The following PLB1 variants were observed in gnomAD, a reference collection of about 807,000 sequenced individuals.
The protein encoded by PLB1 is phospholipase B1, membrane-associated.
In PLB1, 242 loss-of-function variants were observed where a neutral mutation model predicts 227.4. The observed-to-expected ratio is 1.06, with a 90% CI of 0.96 to 1.18. PLB1 has a LOEUF of 1.18. Ranked by LOEUF, PLB1 falls within the 50% of genes most tolerant of loss-of-function variation. PLB1 has a pLI of 0.00. For missense variants in PLB1, 1,858 were observed against 1,816.3 expected (o/e 1.02, Z -0.42); for synonymous variants, 757 against 682.2 (o/e 1.11, Z -1.71).
intron 44 of PLB1, among the ~76,000 whole-genome samples, chr2:28,617,086 T>TCCCATCCCACTCCTTTCCCCAGCAC (rs1686299418): frequency 6.6e-6 from 1 of 152,194 alleles, no homozygotes; most frequent in Non-Finnish European, 1.5e-5. Flanking sequence ...GAAAATATGT[T>TCCCATCCCACTCCTTTCCCCAGCAC]CTGTATTAGA....
At chr2:28,519,571 C>T in intron 3 of PLB1, 134 bp from the exon 4 acceptor site, 1 of 656,484 alleles carries the variant, frequency 1.5e-6, no homozygotes, top group Non-Finnish European at 2.7e-6. Context: ...ATTCCACTTC[C>T]ATGGCCAACA....
chr2:28,613,781 A>T (rs1395906275), intron 43 of PLB1, among the ~76,000 whole-genome samples: 1 of 152,230 alleles, frequency 6.6e-6, no homozygotes, highest in Non-Finnish European at 1.5e-5. Context: ...GGAGGAACAC[A>T]AAAGCACAGA....
At chr2:28,567,566 C>T (rs1310812001) in intron 20 of PLB1, among the ~76,000 whole-genome samples, 1 of 150,672 alleles carries the variant, frequency 6.6e-6, no homozygotes, top group Non-Finnish European at 1.5e-5. Context: ...CTCCGCCTCC[C>T]TGGTTCAAGC....
At chr2:28,506,939 C>T (rs369314684) in intron 1 of PLB1, among the ~76,000 whole-genome samples, 15 of 152,224 alleles carry the variant, frequency 9.9e-5, no homozygotes, top group African/African-American at 3.6e-4. Context: ...TCCTTCACAC[C>T]ACAACTTCCC....
intron 1 of PLB1, among the ~76,000 whole-genome samples, chr2:28,498,118 A>G (rs1278122141): frequency 1.3e-5 from 2 of 151,778 alleles, no homozygotes; most frequent in African/African-American, 4.8e-5. Context: ...AAGATATCTT[A>G]TATTTCCTTC....
At chr2:28,598,830 A>G (rs746608898) in intron 35 of PLB1, 70 bp downstream of exon 35, 38 of 1,349,464 alleles carry the variant, frequency 2.8e-5, no homozygotes, top group Non-Finnish European at 3.7e-5. Context: ...CTTTAAGACC[A>G]TGGGGCTGGC....
chr2:28,508,432 A>G (rs1572649837), intron 1 of PLB1, among the ~76,000 whole-genome samples: 1 of 152,144 alleles, frequency 6.6e-6, no homozygotes, highest in Non-Finnish European at 1.5e-5. Flanking sequence ...CTAACATCCT[A>G]TACGCCTTAG....
intron 9 of PLB1, among the ~76,000 whole-genome samples, chr2:28,537,702 T>G (rs1262968639): frequency 6.6e-6 from 1 of 150,980 alleles, no homozygotes; most frequent in Non-Finnish European, 1.5e-5. Flanking sequence ...GGTCCGTTTT[T>G]GAGGTCCTTC....
intron 17 of PLB1, among the ~76,000 whole-genome samples, chr2:28,562,132 T>C (rs894472274): frequency 2.0e-5 from 3 of 152,240 alleles, no homozygotes; most frequent in African/African-American, 4.8e-5. Flanking sequence ...TTTGGGGTAA[T>C]GAAAATGTTT....
At chr2:28,568,648 A>G (rs950668947) in intron 20 of PLB1, among the ~76,000 whole-genome samples, 30 of 152,234 alleles carry the variant, frequency 2.0e-4, no homozygotes, top group African/African-American at 5.8e-4. Flanking sequence ...CTCCGATGAC[A>G]TCACCAAAGT....
At chr2:28,586,318 G>A (rs1263743929) in intron 26 of PLB1, among the ~76,000 whole-genome samples, 3 of 152,150 alleles carry the variant, frequency 2.0e-5, no homozygotes, top group Non-Finnish European at 2.9e-5. Context: ...TCTGCCCTCC[G>A]CTCCTATAGA....
chr2:28,527,953 A>G (rs796602391), intron 6 of PLB1, among the ~76,000 whole-genome samples: 63 of 152,292 alleles, frequency 4.1e-4, no homozygotes, highest in African/African-American at 1.5e-3. Flanking sequence ...GCACACATTC[A>G]TGCTGTCCCT....
intron 47 of PLB1, 23 bp from the exon 48 acceptor site, chr2:28,620,577 C>A (rs1261628826): frequency 1.2e-6 from 2 of 1,606,698 alleles, no homozygotes; most frequent in African/African-American, 1.3e-5. Context: ...GTGAGTTTAA[C>A]AAATATGCTT....
intron 25 of PLB1, among the ~76,000 whole-genome samples, chr2:28,583,450 C>T (rs1009603550): frequency 1.5e-5 from 2 of 136,966 alleles, no homozygotes; most frequent in African/African-American, 6.0e-5. Context: ...TCCCAAAGTG[C>T]TGGGATTACA....
chr2:28,609,651 C>T (rs1685164356), intron 43 of PLB1, among the ~76,000 whole-genome samples: 1 of 152,140 alleles, frequency 6.6e-6, no homozygotes. Context: ...TCAAGCTTAA[C>T]ATTCATTCAA....
intron 18 of PLB1, 55 bp from the exon 19 acceptor site, chr2:28,565,225 G>C: frequency 6.7e-7 from 1 of 1,500,320 alleles, no homozygotes; most frequent in Non-Finnish European, 9.2e-7. Context: ...CAGGTAGGCA[G>C]AGGTGGGCCA....
chr2:28,630,454 C>G (rs187657656), intron 53 of PLB1, 132 bp from the exon 54 acceptor site: 2 of 650,782 alleles, frequency 3.1e-6, no homozygotes, highest in Non-Finnish European at 5.2e-6. Flanking sequence ...TGTCACCCCC[C>G]GCCCTAGGTA....
At chr2:28,513,413 A>G (rs1305040979) in intron 1 of PLB1, among the ~76,000 whole-genome samples, 1 of 152,220 alleles carries the variant, frequency 6.6e-6, no homozygotes, top group Admixed American at 6.5e-5. Context: ...TGGGATATTC[A>G]TCAGGGTCCC....
chr2:28,625,091 C>T lies in PLB1; in HGVS notation c.3562C>T (p.Arg1188Ter), dbSNP rs145118329. 2.9e-5 allele frequency: 47 copies of T among 1,613,370 alleles called. No homozygotes were observed. The highest frequency in any genetic ancestry group is 1.1e-4 in the East Asian group (5 of 44,812). The change falls in exon 50 of 58, where the codon CGA becomes TGA. Residue 1188 changes from arginine (R) to a stop codon, truncating the protein, a stop_gained. Transcript: ENST00000327757. LOFTEE classifies it high-confidence loss of function. Reference sequence around the variant, plus strand: ...AGCCCAGGCCTGGGACCTGGTAGAGCGAATGAAAAACAGCCCCGTGAGTAC... The same window carrying T: ...AGCCCAGGCCTGGGACCTGGTAGAGTGAATGAAAAACAGCCCCGTGAGTAC... ...MPAQAWDLVE[R>*]MKNSPDINLE... is the part of the protein sequence containing the mutation.
Sources: allele counts gnomAD v4.1 joint callset (sites outside exome capture counted in the v4.1 genomes callset), GRCh38; gene constraint gnomAD v4.1.1; transcripts MANE v1.5; gene names NCBI Gene and HGNC (gene_info 2026-07-23, HGNC 2026-07-21).